Variants in LRRK2 observed in about 807,000 individuals in gnomAD.
LRRK2 encodes leucine-rich repeat serine/threonine-protein kinase 2.
In LRRK2, 203 loss-of-function variants were observed where a neutral mutation model predicts 302.6. That is an observed-to-expected ratio of 0.67 (90% CI 0.60 to 0.75). The LOEUF is 0.75. LRRK2 is among the 30% of genes least tolerant of loss of function. The pLI, the probability that LRRK2 is intolerant of heterozygous loss-of-function variation, is 0.00. For synonymous variants in LRRK2, 1,066 were observed against 1,031.9 expected, an observed-to-expected ratio of 1.03 and a Z score of -0.63; for missense variants, 2,830 against 2,951.0, an observed-to-expected ratio of 0.96 and a Z score of 0.95.
chr12:40,262,445 C>T (rs1942816032), intron 13 of LRRK2, among the ~76,000 whole-genome samples: 1 of 152,094 alleles, frequency 6.6e-6, no homozygotes, highest in Non-Finnish European at 1.5e-5. Context: ...TGCAGGCTGA[C>T]TCCAGAGTAG....
At chr12:40,230,029 A>C (rs1164724463) in intron 2 of LRRK2, among the ~76,000 whole-genome samples, 2 of 149,652 alleles carry the variant, frequency 1.3e-5, no homozygotes, top group Non-Finnish European at 3.0e-5. Context: ...ATAGTTCGGA[A>C]AAAAGTCTTG....
At chr12:40,366,904 C>T in intron 49 of LRRK2, 102 bp from the exon 50 acceptor site, 1 of 784,938 alleles carries the variant, frequency 1.3e-6, no homozygotes, top group Non-Finnish European at 2.2e-6. Flanking sequence ...GAATTCAGTT[C>T]CAAGGTATTT....
At position 40,346,778 on chromosome 12, in the gene LRRK2, A is replaced by G; in HGVS notation, c.6135A>G (p.Arg2045=). The change falls in exon 42 of 51, where the codon AGA becomes AGG. Residue 2045 remains arginine (R), a synonymous_variant. Transcript: ENST00000298910. The part of the protein sequence containing the change: ...TPGFRAPEVA[R]GNVIYNQQAD... ...GGTTTCGTGCACCTGAAGTTGCCAGAGGAAATGTCATTTATAACCAACAGG... is the reference window on the plus strand; with the variant it reads ...GGTTTCGTGCACCTGAAGTTGCCAGGGGAAATGTCATTTATAACCAACAGG... The G allele has an allele frequency of 6.2e-7, 1 of 1,613,966 alleles. No individual in the cohort carries two copies.
In LRRK2 at chr12:40,283,897, C is replaced by A; in HGVS notation, c.2264C>A (p.Pro755His). ...ICQVCEKESS[P>H]KLVELLLNSG... ...TAGGTATGTGAGAAAGAGAGCAGTC[C>A]CAAATTGGTGGAACTCTTACTGAAT... The change falls in exon 19 of 51, where the codon CCC (proline) becomes CAC (histidine). Residue 755 changes from proline to histidine, a missense_variant. Pro to His is a moderately conservative substitution (Grantham distance 77). Around this residue, in one of 3 missense-constraint regions of LRRK2, gnomAD observed 2,121 missense variants for 2,148.0 expected, o/e 0.99. Transcript: ENST00000298910. 1 of 1,612,870 alleles carries A rather than the reference C, an allele frequency of 6.2e-7. No individual in the cohort carries two copies. The highest frequency in any genetic ancestry group is 8.5e-7 in the Non-Finnish European group (1 of 1,179,340).
At chr12:40,248,852 G>A (rs1209082902) in intron 7 of LRRK2, among the ~76,000 whole-genome samples, 1 of 152,172 alleles carries the variant, frequency 6.6e-6, no homozygotes, top group African/African-American at 2.4e-5. Context: ...GCTGGTAAAA[G>A]TAGAAGAAAA....
chr12:40,288,306 C>T (rs1207669114), intron 20 of LRRK2, among the ~76,000 whole-genome samples: 2 of 151,718 alleles, frequency 1.3e-5, no homozygotes, highest in African/African-American at 4.8e-5. Flanking sequence ...TATATATTTT[C>T]ATGCGCTTTG....
chr12:40,352,653 A>G (rs11176155), intron 44 of LRRK2, among the ~76,000 whole-genome samples: 108,055 of 141,988 alleles, frequency 0.76, 42,045 homozygotes, highest in Non-Finnish European at 0.85. Flanking sequence ...ATTAGGGAGT[A>G]GTGATGACTC....
chr12:40,335,324 A>G (rs566573962), intron 40 of LRRK2, among the ~76,000 whole-genome samples, 167 bp downstream of exon 40: 1 of 152,342 alleles, frequency 6.6e-6, no homozygotes, highest in East Asian at 1.9e-4. Context: ...TTCAGAAAAT[A>G]AGAGTATGGA....
At chr12:40,310,875 A>T (rs1592270915) in intron 31 of LRRK2, among the ~76,000 whole-genome samples, 1 of 152,116 alleles carries the variant, frequency 6.6e-6, no homozygotes, top group South Asian at 2.1e-4. Flanking sequence ...GAGAGAAACT[A>T]AGAGACCGTT....
chr12:40,354,536 A>C, intron 45 of LRRK2, 44 bp downstream of exon 45: 1 of 1,528,632 alleles, frequency 6.5e-7, no homozygotes, highest in Non-Finnish European at 9.0e-7. Flanking sequence ...CAGATCTTTT[A>C]AACGACTGAA....
Position 40,260,394 on chromosome 12 carries a change from T to C in LRRK2, c.1543+790T>C, listed in dbSNP as rs543541080. 5.3e-5 allele frequency among the ~76,000 whole-genome samples: 8 copies of C among 151,260 alleles called. No individual in the cohort carries two copies. In the East Asian group the frequency reaches 1.4e-3, roughly 26 times the overall value. On this transcript the variant is annotated intron_variant, in intron 13 of 50. Coordinates refer to ENST00000298910, the MANE Select transcript of LRRK2 (RefSeq NM_198578.4). ...AGGAGTAGGACAGAGATTGTAATAT[T>C]TGAGGTGGAAGGGTAGATAGAGCTG...
chr12:40,296,983 A>C (rs910205462), intron 23 of LRRK2, among the ~76,000 whole-genome samples: 2 of 152,122 alleles, frequency 1.3e-5, no homozygotes, highest in South Asian at 2.1e-4. Flanking sequence ...CTCCATGTCC[A>C]TAACACCTGA....
In LRRK2 at chr12:40,303,934, G is replaced by C. The variant is rs747773175; in HGVS notation, c.3591-14G>C. On this transcript the variant is annotated splice_polypyrimidine_tract_variant and intron_variant, in intron 26 of 50. Transcript: ENST00000298910. ...TACTCATTTGGTTTATGTCTTTTCT[G>C]TGTATTGTTTTAGCTTGCGGTCTTT... The C allele has an allele frequency of 6.2e-7, 1 of 1,612,690 alleles. No individual in the cohort carries two copies. The highest frequency in any genetic ancestry group is 8.5e-7 in the Non-Finnish European group (1 of 1,178,928).
At chr12:40,226,357 C>A (rs1286734382) in intron 2 of LRRK2, among the ~76,000 whole-genome samples, 1 of 152,120 alleles carries the variant, frequency 6.6e-6, no homozygotes, top group African/African-American at 2.4e-5. Context: ...TAACTTCCTT[C>A]GGAGCACTTA....
At chr12:40,284,751 G>A (rs1342045778) in intron 19 of LRRK2, among the ~76,000 whole-genome samples, 2 of 152,048 alleles carry the variant, frequency 1.3e-5, no homozygotes, top group Admixed American at 1.3e-4. Context: ...TTTTTAGCGT[G>A]AAAGCTCCCA....
intron 9 of LRRK2, 25 bp downstream of exon 9, chr12:40,251,399 T>A (rs1242885946): frequency 6.2e-7 from 1 of 1,613,598 alleles, no homozygotes. Context: ...AATATTAGAG[T>A]TATTCAAAAT....
At chr12:40,275,392 G>GA (rs950411907) in intron 16 of LRRK2, among the ~76,000 whole-genome samples, 4 of 151,910 alleles carry the variant, frequency 2.6e-5, no homozygotes, top group African/African-American at 7.3e-5. Context: ...TCCTTGCAGT[G>GA]AAAAAATGTT....
At chr12:40,296,889 C>T (rs1304096567) in intron 23 of LRRK2, among the ~76,000 whole-genome samples, 1 of 152,110 alleles carries the variant, frequency 6.6e-6, no homozygotes, top group Non-Finnish European at 1.5e-5. Context: ...TCAAGCCACC[C>T]AGGGCTCAAT....
chr12:40,255,142 T>C (rs1243769503), intron 11 of LRRK2, among the ~76,000 whole-genome samples: 1 of 152,144 alleles, frequency 6.6e-6, no homozygotes, highest in African/African-American at 2.4e-5. Context: ...ATGCATTCAT[T>C]AAGTAAAAAT....
Sources: allele counts gnomAD v4.1 joint callset (sites outside exome capture counted in the v4.1 genomes callset), GRCh38; gene constraint gnomAD v4.1.1; regional missense constraint gnomAD v4.1.1; transcripts MANE v1.5; gene names NCBI Gene and HGNC (gene_info 2026-07-23, HGNC 2026-07-21).